SSC4D: variants seen among roughly 807,000 people sequenced by gnomAD.
SSC4D encodes the protein scavenger receptor cysteine-rich domain-containing group B protein.
In SSC4D, 57 loss-of-function variants were observed where a neutral mutation model predicts 63.4. The ratio of observed to expected loss-of-function variants is 0.90; its 90% CI spans 0.73 to 1.12. SSC4D has a LOEUF of 1.12. Ranked by LOEUF, SSC4D falls within the 50% of genes most tolerant of loss-of-function variation. The pLI, the probability that SSC4D is intolerant of heterozygous loss-of-function variation, is 0.00. For synonymous variants in SSC4D, 352 were observed against 345.4 expected (o/e 1.02, Z -0.21); for missense variants, 791 against 806.4 (o/e 0.98, Z 0.23).
Position 76,404,497 on chromosome 7 carries a change from T to C in SSC4D, c.-58A>G, listed in dbSNP as rs1804936326. ...TCAAGGCGCCAGGGAGAAGTCACAG[T>C]TGGAACATCTGAAATTAAAGATCCC... On this transcript the variant is annotated 5_prime_UTR_variant, in exon 2 of 11. Transcript: ENST00000275560. The C allele has an allele frequency of 1.9e-6, 3 of 1,612,438 alleles. No homozygotes were observed. The African/African-American group carries it at 4.0e-5, about 22-fold the overall frequency.
chr7:76,393,649 C>T lies in SSC4D; in HGVS notation c.1089G>A (p.Gly363=). The T allele has an allele frequency of 6.8e-7, 1 of 1,480,008 alleles. No homozygotes were observed. The highest frequency in any genetic ancestry group is 8.9e-7 in the Non-Finnish European group (1 of 1,121,098). The allele number at this position is 1,480,008 out of a possible 1,614,324, so 91.7% of individuals were successfully genotyped here. ...CATCGTCGCACACGGTGCCCCAGCC[C>T]CCGGCGTGCAACACCTCCACGCGGC... ...CRGRVEVLHA[G]GWGTVCDDDW... The change falls in exon 9 of 11, where the codon GGG becomes GGA. Residue 363 remains glycine, a synonymous_variant. Coordinates refer to ENST00000275560, the MANE Select transcript of SSC4D (RefSeq NM_080744.2).
At position 76,397,523 on chromosome 7, in the gene SSC4D, C is replaced by A; in HGVS notation, c.863G>T (p.Cys288Phe). The change falls in exon 6 of 11, where the codon TGC (cysteine) becomes TTC (phenylalanine). Residue 288 changes from cysteine (C) to phenylalanine (F), a missense_variant. Cys to Phe is a radical substitution (Grantham distance 205). Coordinates refer to ENST00000275560, the MANE Select transcript of SSC4D (RefSeq NM_080744.2). Reference sequence around the variant, plus strand: ...ATCGCCCCTAGAGCCCGCACCTGCGCAGAGCGCGCCCGCGTCCTCGTGGTG... The same window carrying A: ...ATCGCCCCTAGAGCCCGCACCTGCGAAGAGCGCGCCCGCGTCCTCGTGGTG... Reference protein sequence around the residue: ...CGHHEDAGALCAGLGPPTLTA... With the variant: ...CGHHEDAGALFAGLGPPTLTA... 1 of 1,553,698 alleles carries A rather than the reference C, an allele frequency of 6.4e-7. No individual in the cohort carries two copies. The highest frequency in any genetic ancestry group is 1.9e-5 in the Admixed American group (1 of 51,494).
Position 76,393,483 on chromosome 7 carries a change from G to T in SSC4D, c.1255C>A (p.Arg419Ser), listed in dbSNP as rs866323017. 8 of 1,524,130 alleles carry T rather than the reference G, an allele frequency of 5.2e-6. No individual in the cohort carries two copies. Among genetic ancestry groups the T allele is most frequent in the East Asian group, 2.6e-5 (1 of 38,936 alleles). 94.4% of individuals were successfully genotyped at this position (1,524,130 alleles called of 1,614,324 possible). ...DNVGCAGTEARLSDCFHLGWG... is the reference protein window; with the variant it reads ...DNVGCAGTEASLSDCFHLGWG... ...CCCAGGTGGAAGCAGTCGCTCAGGC[G>T]AGCCTCGGTGCCGGCGCAGCCCACG... The change falls in exon 9 of 11, where the codon CGC becomes AGC. Residue 419 changes from arginine to serine, a missense_variant. By Grantham distance (110) the Arg-to-Ser change is moderately radical. Transcript: ENST00000275560.
At position 76,390,054 on chromosome 7, in the gene SSC4D, C is replaced by T; in HGVS notation, c.*5G>A. On this transcript the variant is annotated 3_prime_UTR_variant, in exon 11 of 11. Transcript: ENST00000275560. ...AAGAAGAGGTGGTCTGCAGAGCGGGCTGGGTCATGAAGGCTGGCACAGGAC... is the reference window on the plus strand; with the variant it reads ...AAGAAGAGGTGGTCTGCAGAGCGGGTTGGGTCATGAAGGCTGGCACAGGAC... 6.2e-7 allele frequency: 1 copy of T among 1,614,166 alleles called. No individual in the cohort carries two copies. The highest frequency in any genetic ancestry group is 8.5e-7 in the Non-Finnish European group (1 of 1,180,010).
chr7:76,393,926 G>T, intron 7 of SSC4D, 22 bp from the exon 8 acceptor site: 1 of 1,582,870 alleles, frequency 6.3e-7, no homozygotes, highest in Non-Finnish European at 8.6e-7. Flanking sequence ...GGGCATCTAG[G>T]GCGTTCGAAG....
In SSC4D at chr7:76,404,104, G is replaced by A. The variant is rs565916827; in HGVS notation, c.133+203C>T. ...CCCTAACTGCCCATTCCATGGGTGC[G>A]TTTACCTGTCACCTCCAGTACTGAG... On this transcript the variant is annotated intron_variant, in intron 2 of 10. Transcript: ENST00000275560. Among the ~76,000 whole-genome samples the A allele has an allele frequency of 7.4e-4, 112 of 152,168 alleles. 1 individual carries two copies. In the South Asian group the frequency reaches 0.016, roughly 22 times the overall value.
At chr7:76,408,254 C>A (rs1479953078) in intron 1 of SSC4D, among the ~76,000 whole-genome samples, 1 of 152,044 alleles carries the variant, frequency 6.6e-6, no homozygotes, top group East Asian at 1.9e-4. Context: ...AGATGAAAGC[C>A]TATCTGGATG....
Position 76,400,486 on chromosome 7 carries a change from G to T in SSC4D, c.275C>A (p.Ala92Asp), listed in dbSNP as rs1377455002. The part of the protein sequence containing the change: ...VCDDDWDVVD[A>D]NVVCRQLGCG... The stretch of plus-strand genomic sequence containing the variant: ...GCCCAGCTGGCGACACACTACGTTG[G>T]CGTCCACCACGTCCCAGTCGTCATC... Residue 92 changes from alanine (A) to aspartate (D), a missense_variant, in exon 4 of 11, where the codon GCC (alanine) becomes GAC (aspartate). Transcript: ENST00000275560. 1 of 1,606,104 alleles carries T rather than the reference G, an allele frequency of 6.2e-7. No homozygotes were observed. Among genetic ancestry groups the T allele is most frequent in the Non-Finnish European group, 8.5e-7 (1 of 1,176,152 alleles).
chr7:76,400,340 C>A lies in SSC4D; in HGVS notation c.421G>T (p.Gly141Cys). 6.6e-7 allele frequency: 1 copy of A among 1,522,970 alleles called. No individual in the cohort carries two copies. The highest frequency in any genetic ancestry group is 8.8e-7 in the Non-Finnish European group (1 of 1,131,028). The allele number at this position is 1,522,970 out of a possible 1,614,324, so 94.3% of individuals were successfully genotyped here. Reference protein sequence around the residue: ...EAALSECGSRGWGVHNCFHYE... With the variant: ...EAALSECGSRCWGVHNCFHYE... ...TGAAAGCAATTGTGGACGCCCCAGC[C>A]GCGGCTGCCGCACTCGCTCAGCGCA... The change falls in exon 4 of 11, where the codon GGC becomes TGC. Residue 141 changes from glycine (G) to cysteine (C), a missense_variant. Gly to Cys is a radical substitution (Grantham distance 159, BLOSUM62 -3). Coordinates refer to ENST00000275560, the MANE Select transcript of SSC4D (RefSeq NM_080744.2).
In SSC4D at chr7:76,400,510, T is replaced by G. The variant is rs751682350; in HGVS notation, c.251A>C (p.Asp84Ala). 2 of 1,590,376 alleles carry G rather than the reference T, an allele frequency of 1.3e-6. No individual in the cohort carries two copies. The highest frequency in any genetic ancestry group is 3.5e-5 in the Admixed American group (2 of 57,008). The change falls in exon 4 of 11, where the codon GAT becomes GCT. Residue 84 changes from aspartate to alanine, a missense_variant. Coordinates refer to ENST00000275560, the MANE Select transcript of SSC4D (RefSeq NM_080744.2). Reference sequence around the variant, plus strand: ...GGCGTCCACCACGTCCCAGTCGTCATCACAGACGCTGCCCCAGGAGCCACC... The same window carrying G: ...GGCGTCCACCACGTCCCAGTCGTCAGCACAGACGCTGCCCCAGGAGCCACC... ...MHGGSWGSVCDDDWDVVDANV... is the reference protein window; with the variant it reads ...MHGGSWGSVCADDWDVVDANV...
chr7:76,404,431 C>T lies in SSC4D; in HGVS notation c.9G>A (p.Lys3=), dbSNP rs1439352724. 3.1e-6 allele frequency: 5 copies of T among 1,614,082 alleles called. No individual in the cohort carries two copies. The change falls in exon 2 of 11, where the codon AAG becomes AAA. Residue 3 remains lysine (K), a synonymous_variant. Coordinates refer to ENST00000275560, the MANE Select transcript of SSC4D (RefSeq NM_080744.2). ...GGGGACCAATTAGCATCTCTGCTTCCTTGTGCATCTAGATGGTGAAGGGTG... is the reference window on the plus strand; with the variant it reads ...GGGGACCAATTAGCATCTCTGCTTCTTTGTGCATCTAGATGGTGAAGGGTG... MH[K]EAEMLIGPQL...
Position 76,392,056 on chromosome 7 carries a change from A to G in SSC4D, c.1334-15T>C. The G allele has an allele frequency of 3.8e-6, 6 of 1,560,224 alleles. No individual in the cohort carries two copies. The highest frequency in any genetic ancestry group is 5.2e-6 in the Non-Finnish European group (6 of 1,151,610). ...CTCCTCTGGGCCTGGTTCAGGAAGGACAGAGATAAAGAGGTGGCTCTCACA... is the reference window on the plus strand; with the variant it reads ...CTCCTCTGGGCCTGGTTCAGGAAGGGCAGAGATAAAGAGGTGGCTCTCACA... On this transcript the variant is annotated splice_polypyrimidine_tract_variant and intron_variant, in intron 9 of 10. Coordinates refer to ENST00000275560, the MANE Select transcript of SSC4D (RefSeq NM_080744.2).
rs1171830870 is a variant in SSC4D at position 76,405,271 on chromosome 7, TTATATATATATATATATATATATA to T, written c.-66-790_-66-767del. Among the ~76,000 whole-genome samples, 71 of 9,140 alleles carry T rather than the reference TTATATATATATATATATATATATA, an allele frequency of 7.8e-3. 3 individuals are homozygous for T. The East Asian group carries it at 0.12, about 15-fold the overall frequency. The allele number at this position is 9,140 out of a possible 152,430, so 6.0% of individuals were successfully genotyped here. On this transcript the variant is annotated intron_variant, in intron 1 of 10. Coordinates refer to ENST00000275560, the MANE Select transcript of SSC4D (RefSeq NM_080744.2). Reference sequence around the variant, plus strand: ...GGCGTGCATCACCACACCCAGCTAATTATATATATATATATATATATATATATATATATATATATATATATGTAT... The same window carrying T: ...GGCGTGCATCACCACACCCAGCTAATTATATATATATATATATATATGTAT...
At chr7:76,392,379 G>A (rs190209778) in intron 9 of SSC4D, among the ~76,000 whole-genome samples, 193 of 152,140 alleles carry the variant, frequency 1.3e-3, no homozygotes, top group African/African-American at 4.4e-3. Context: ...GTGAAACCCC[G>A]TCTCTATTAA....
At position 76,395,207 on chromosome 7, in the gene SSC4D, C is replaced by T. The variant is rs982143181; in HGVS notation, c.946+46G>A. ...ACATTCTTCCCAGTTCCCAGCCGCA[C>T]CCACCATACCCCTACCATTCCCGCC... On this transcript the variant is annotated intron_variant, in intron 7 of 10. Coordinates refer to ENST00000275560, the MANE Select transcript of SSC4D (RefSeq NM_080744.2). The T allele has an allele frequency of 3.7e-6, 6 of 1,604,112 alleles. No individual in the cohort carries two copies. The African/African-American group carries it at 8.0e-5, about 21-fold the overall frequency.
chr7:76,393,769 C>CT, intron 8 of SSC4D, 53 bp from the exon 9 acceptor site: 2 of 1,338,744 alleles, frequency 1.5e-6, no homozygotes, highest in South Asian at 1.4e-5. Flanking sequence ...GCTGCCGGCT[C>CT]CCGGCAGAGC....
intron 1 of SSC4D, among the ~76,000 whole-genome samples, chr7:76,405,571 C>T (rs1283802150): frequency 6.6e-6 from 1 of 151,118 alleles, no homozygotes; most frequent in Admixed American, 6.6e-5. Context: ...TCACTTGCAC[C>T]AAGGCTGCAG....
chr7:76,401,343 G>A (rs1325653869), intron 2 of SSC4D, among the ~76,000 whole-genome samples: 9 of 152,194 alleles, frequency 5.9e-5, no homozygotes, highest in African/African-American at 1.7e-4. Context: ...ACCTACAGGA[G>A]TCTCAGCTCC....
chr7:76,406,114 T>C (rs914254026), intron 1 of SSC4D, among the ~76,000 whole-genome samples: 12 of 151,884 alleles, frequency 7.9e-5, no homozygotes, highest in African/African-American at 2.9e-4. Flanking sequence ...GCCTCCTGAG[T>C]AGCTGGGATT....
Sources: allele counts gnomAD v4.1 joint callset (sites outside exome capture counted in the v4.1 genomes callset), GRCh38; gene constraint gnomAD v4.1.1; transcripts MANE v1.5; gene names NCBI Gene and HGNC (gene_info 2026-07-23, HGNC 2026-07-21).